KIF5C: variants seen among roughly 807,000 people sequenced by gnomAD.
The protein encoded by KIF5C is kinesin family member 5C, also known as kinesin heavy chain isoform 5C.
A neutral mutation model predicts 125.2 loss-of-function variants in KIF5C; 18 were observed. The observed-to-expected ratio is 0.14, with a 90% CI of 0.10 to 0.21. The LOEUF is 0.21. KIF5C is among the 10% of genes least tolerant of loss of function. The probability of loss-of-function intolerance (pLI) is 1.00; values close to 1 mark genes in which losing one functional copy is unlikely to be tolerated. For missense variants in KIF5C, 780 were observed against 1,183.8 expected, an observed-to-expected ratio of 0.66 and a Z score of 5.01; for synonymous variants, 405 against 434.0, an observed-to-expected ratio of 0.93 and a Z score of 0.83.
intron 10 of KIF5C, 146 bp from the exon 11 acceptor site, chr2:148,961,825 A>C: frequency 8.6e-7 from 1 of 1,164,198 alleles, no homozygotes; most frequent in Non-Finnish European, 1.2e-6. Flanking sequence ...CGTTAGTCCA[A>C]TTAGGAGGAT....
chr2:149,008,397 A>G (rs559592296), intron 23 of KIF5C, among the ~76,000 whole-genome samples: 4 of 152,278 alleles, frequency 2.6e-5, no homozygotes, highest in Admixed American at 2.0e-4. Flanking sequence ...TGTGTCTCCC[A>G]TGACACCTCT....
At chr2:148,965,632 C>A (rs1477638896) in intron 11 of KIF5C, among the ~76,000 whole-genome samples, 2 of 152,082 alleles carry the variant, frequency 1.3e-5, no homozygotes, top group African/African-American at 2.4e-5. Flanking sequence ...TGCCAGTGGA[C>A]GTTACAGGGA....
intron 7 of KIF5C, among the ~76,000 whole-genome samples, chr2:148,945,639 T>A (rs1227780581): frequency 6.6e-6 from 1 of 152,216 alleles, no homozygotes; most frequent in Non-Finnish European, 1.5e-5. Flanking sequence ...TTGTGAGGTT[T>A]TGGTGCACCT....
chr2:148,892,723 G>A (rs1265864368), intron 1 of KIF5C, among the ~76,000 whole-genome samples: 1 of 152,184 alleles, frequency 6.6e-6, no homozygotes, highest in East Asian at 1.9e-4. Context: ...TGTCCACAGA[G>A]AAAGGATTAT....
At chr2:148,917,108 C>A (rs2105075333) in intron 1 of KIF5C, among the ~76,000 whole-genome samples, 1 of 152,288 alleles carries the variant, frequency 6.6e-6, no homozygotes, top group Non-Finnish European at 1.5e-5. Context: ...GAAAGGAATG[C>A]TTGCCATTGC....
At chr2:149,012,749 G>A (rs1330629588) in intron 25 of KIF5C, among the ~76,000 whole-genome samples, 2 of 152,278 alleles carry the variant, frequency 1.3e-5, no homozygotes, top group Non-Finnish European at 2.9e-5. Context: ...GCAGCCCGCG[G>A]GCGGGCAGTG....
intron 25 of KIF5C, among the ~76,000 whole-genome samples, chr2:149,019,574 T>C (rs1033009204): frequency 5.3e-5 from 8 of 152,202 alleles, no homozygotes; most frequent in African/African-American, 1.7e-4. Context: ...CTCAGCTTCA[T>C]GGTTCTCAGA....
intron 1 of KIF5C, among the ~76,000 whole-genome samples, chr2:148,908,690 A>G (rs1042864787): frequency 6.6e-6 from 1 of 152,194 alleles, no homozygotes; most frequent in Non-Finnish European, 1.5e-5. Context: ...TTTAGCAGCC[A>G]GTAAATACTC....
intron 1 of KIF5C, among the ~76,000 whole-genome samples, chr2:148,909,097 C>T (rs2105064883): frequency 6.6e-6 from 1 of 152,344 alleles, no homozygotes; most frequent in East Asian, 1.9e-4. Flanking sequence ...CAGATCAGGC[C>T]ATTCATTTGC....
chr2:148,953,899 C>CT (rs942971435), intron 10 of KIF5C, among the ~76,000 whole-genome samples: 1 of 152,072 alleles, frequency 6.6e-6, no homozygotes, highest in African/African-American at 2.4e-5. Context: ...TTAAATTATA[C>CT]TTTTAAGTTC....
At chr2:149,013,020 A>T (rs1443456294) in intron 25 of KIF5C, among the ~76,000 whole-genome samples, 1 of 152,218 alleles carries the variant, frequency 6.6e-6, no homozygotes, top group Non-Finnish European at 1.5e-5. Context: ...TTGAGCACCC[A>T]GAGGCCCAGG....
At chr2:148,948,583 G>T (rs943228664) in intron 8 of KIF5C, among the ~76,000 whole-genome samples, 2 of 152,104 alleles carry the variant, frequency 1.3e-5, no homozygotes, top group Non-Finnish European at 2.9e-5. Flanking sequence ...AGTTTCTTTT[G>T]CTCACACACA....
rs1449197653 is a variant in KIF5C, at chr2:149,024,222, A to G, written c.*1152A>G. 6 of 152,672 alleles carry G rather than the reference A, an allele frequency of 3.9e-5. No individual in the cohort carries two copies. The highest frequency in any genetic ancestry group is 8.8e-5 in the Non-Finnish European group (6 of 68,042). 9.5% of individuals were successfully genotyped at this position (152,672 alleles called of 1,614,324 possible). On this transcript the variant is annotated 3_prime_UTR_variant, in exon 26 of 26. Transcript: ENST00000435030. ...CATTTAGTTATTGCTTTATCCAAAT[A>G]CATGAATCTAAAGCTGAATCAACCC...
chr2:149,006,989 C>T (rs2105195295), intron 22 of KIF5C, among the ~76,000 whole-genome samples: 1 of 152,256 alleles, frequency 6.6e-6, no homozygotes, highest in African/African-American at 2.4e-5. Flanking sequence ...CTAGGAAAGC[C>T]CTGCTTTTAG....
chr2:148,939,210 A>G (rs1334017924), intron 4 of KIF5C, among the ~76,000 whole-genome samples: 1 of 152,212 alleles, frequency 6.6e-6, no homozygotes, highest in African/African-American at 2.4e-5. Context: ...TACCTTTTCA[A>G]TTATATTAAA....
At chr2:149,017,471 C>T (rs1483545993) in intron 25 of KIF5C, among the ~76,000 whole-genome samples, 1 of 152,178 alleles carries the variant, frequency 6.6e-6, no homozygotes, top group African/African-American at 2.4e-5. Context: ...AATGTAGACA[C>T]CTGATTAAAC....
chr2:148,920,709 A>G (rs1219313712), intron 1 of KIF5C, among the ~76,000 whole-genome samples: 2 of 152,242 alleles, frequency 1.3e-5, no homozygotes, highest in African/African-American at 4.8e-5. Context: ...CAAGTAATAA[A>G]TAAGTAGAAC....
Position 148,942,870 on chromosome 2 carries a change from G to A in KIF5C, c.589+110G>A, listed in dbSNP as rs542492297. ...CAAATGAAAGAATGCATGGGAAGGTGATTAAAGAGCAGTGCTCGGACACAG... is the reference window on the plus strand; with the variant it reads ...CAAATGAAAGAATGCATGGGAAGGTAATTAAAGAGCAGTGCTCGGACACAG... On this transcript the variant is annotated intron_variant, in intron 7 of 25. Transcript: ENST00000435030. The A allele has an allele frequency of 2.6e-6, 4 of 1,529,230 alleles. No individual in the cohort carries two copies. In the Admixed American group the frequency reaches 7.9e-5, roughly 30 times the overall value. The allele number at this position is 1,529,230 out of a possible 1,614,324, so 94.7% of individuals were successfully genotyped here. A position where few individuals can be genotyped will look rare whatever the true frequency, so the allele number is the denominator to read the frequency against.
chr2:149,000,457 C>T lies in KIF5C; in HGVS notation c.2245C>T (p.Leu749Phe). The T allele has an allele frequency of 2.5e-6, 4 of 1,586,440 alleles. No homozygotes were observed. Among genetic ancestry groups the T allele is most frequent in the Non-Finnish European group, 2.6e-6 (3 of 1,161,390 alleles). Residue 749 changes from leucine (L) to phenylalanine (F), a missense_variant, in exon 20 of 26, where the codon CTT becomes TTT. Physicochemically the swap from Leu to Phe is conservative, Grantham distance 22. Coordinates refer to ENST00000435030, the MANE Select transcript of KIF5C (RefSeq NM_004522.3). ...GAAACTGCAACTGGAACAGGAGAAG[C>T]TTAGTTCTGATTATAACAAGCTGAA... is the stretch of plus-strand genomic sequence containing the variant. ...NQKLQLEQEK[L>F]SSDYNKLKIE...
Sources: allele counts gnomAD v4.1 joint callset (sites outside exome capture counted in the v4.1 genomes callset), GRCh38; gene constraint gnomAD v4.1.1; transcripts MANE v1.5; gene names NCBI Gene and HGNC (gene_info 2026-07-23, HGNC 2026-07-21).